The following CAMK2B variants were observed in gnomAD, a reference collection of about 807,000 sequenced individuals.
CAMK2B encodes calcium/calmodulin dependent protein kinase II beta, also known as calcium/calmodulin-dependent protein kinase type II subunit beta.
A neutral mutation model predicts 93.7 loss-of-function variants in CAMK2B; 27 were observed. That is an observed-to-expected ratio of 0.29 (90% CI 0.21 to 0.40). The LOEUF (loss-of-function observed/expected upper bound fraction) is 0.40, where lower values mean the gene tolerates loss of function less well. Ranked by LOEUF, CAMK2B falls within the 10% of genes least tolerant of loss-of-function variation. The pLI, the probability that CAMK2B is intolerant of heterozygous loss-of-function variation, is 1.00. For synonymous variants in CAMK2B, 374 were observed against 358.8 expected (o/e 1.04, Z -0.48); for missense variants, 568 against 895.8 (o/e 0.63, Z 4.67).
intron 3 of CAMK2B, chr7:44,259,634 G>A (rs1161577611): frequency 6.6e-6 from 1 of 152,602 alleles, no homozygotes; most frequent in African/African-American, 2.4e-5. Context: ...CAGGGCAGGA[G>A]CTGGTCAGGA....
At chr7:44,305,537 C>A (rs1791225625) in intron 1 of CAMK2B, among the ~76,000 whole-genome samples, 1 of 152,234 alleles carries the variant, frequency 6.6e-6, no homozygotes, top group Admixed American at 6.5e-5. Context: ...CAACCTCTTG[C>A]CGCCCTGCAC....
intron 3 of CAMK2B, among the ~76,000 whole-genome samples, chr7:44,260,455 A>G (rs971049200): frequency 6.6e-6 from 1 of 152,156 alleles, no homozygotes; most frequent in Non-Finnish European, 1.5e-5. Context: ...AGGCCCCAGA[A>G]GCCTCCACAG....
At chr7:44,230,904 A>C in intron 17 of CAMK2B, 102 bp downstream of exon 17, 1 of 957,498 alleles carries the variant, frequency 1.0e-6, no homozygotes, top group East Asian at 2.7e-5. Flanking sequence ...TGCATAAACT[A>C]GGCGTCGCAG....
At chr7:44,308,605 C>T (rs1410076375) in intron 1 of CAMK2B, among the ~76,000 whole-genome samples, 1 of 152,206 alleles carries the variant, frequency 6.6e-6, no homozygotes, top group Admixed American at 6.5e-5. Context: ...ACCCGGAGGG[C>T]AGGACAAGGT....
chr7:44,224,372 C>T lies in CAMK2B; in HGVS notation c.1597+2144G>A, dbSNP rs1362425851. Among the ~76,000 whole-genome samples the T allele has an allele frequency of 1.3e-5, 2 of 152,202 alleles. No individual in the cohort carries two copies. The highest frequency in any genetic ancestry group is 4.8e-5 in the African/African-American group (2 of 41,440). On this transcript the variant is annotated intron_variant, in intron 20 of 23. Coordinates refer to ENST00000395749, the MANE Select transcript of CAMK2B (RefSeq NM_001220.5). The surrounding 1 kb of genome is among the most constrained non-coding windows in gnomAD (Gnocchi z 4.4). ...CCCTGATGGAGGGAAAGGAGGGGGG[C>T]CCAACATGAAGAGGTGCCCGGGTCG...
intron 2 of CAMK2B, among the ~76,000 whole-genome samples, chr7:44,282,865 G>A (rs1366668521): frequency 6.6e-6 from 1 of 152,206 alleles, no homozygotes; most frequent in African/African-American, 2.4e-5. Context: ...CTGGCCAGAT[G>A]GGTCAGGGCC....
At chr7:44,277,040 G>A (rs1420205489) in intron 2 of CAMK2B, among the ~76,000 whole-genome samples, 2 of 152,182 alleles carry the variant, frequency 1.3e-5, no homozygotes, top group African/African-American at 2.4e-5. Flanking sequence ...CCGCTAACCA[G>A]GGTCACCCCG....
intron 5 of CAMK2B, among the ~76,000 whole-genome samples, chr7:44,251,330 G>T (rs1358082139): frequency 6.6e-6 from 1 of 152,140 alleles, no homozygotes; most frequent in Admixed American, 6.5e-5. Flanking sequence ...GTTGGGTAGG[G>T]GCCCACGGGT....
chr7:44,231,412 C>T (rs996730839), intron 16 of CAMK2B, among the ~76,000 whole-genome samples: 8 of 152,212 alleles, frequency 5.3e-5, no homozygotes, highest in African/African-American at 1.7e-4. Flanking sequence ...ACCCTGCATC[C>T]CCAACACATG....
At chr7:44,305,445 T>C (rs1158039634) in intron 1 of CAMK2B, among the ~76,000 whole-genome samples, 2 of 152,156 alleles carry the variant, frequency 1.3e-5, no homozygotes, top group African/African-American at 2.4e-5. Flanking sequence ...GATGCACCTC[T>C]GCACCCCAGA....
chr7:44,319,867 C>A lies in CAMK2B; in HGVS notation c.65+5490G>T, dbSNP rs568924070. 2.6e-5 allele frequency among the ~76,000 whole-genome samples: 4 copies of A among 152,272 alleles called. No individual in the cohort carries two copies. The South Asian group carries it at 8.3e-4, about 32-fold the overall frequency. ...GGGGGGTCGTCATGAAAGTGTTGGG[C>A]AAACAGATTGCAGAATCACATATAT... is the stretch of plus-strand genomic sequence containing the variant. On this transcript the variant is annotated intron_variant, in intron 1 of 23. Transcript: ENST00000395749.
At chr7:44,236,336 CTT>C (rs1180917132) in intron 13 of CAMK2B, among the ~76,000 whole-genome samples, 3 of 152,230 alleles carry the variant, frequency 2.0e-5, no homozygotes, top group African/African-American at 7.2e-5. Context: ...TGGGCACACA[CTT>C]TCTATTCCCA....
chr7:44,247,304 GCAAGT>G, intron 5 of CAMK2B, 112 bp from the exon 6 acceptor site: 1 of 865,760 alleles, frequency 1.2e-6, no homozygotes, highest in Non-Finnish European at 1.9e-6. Flanking sequence ...GGGGGACAAA[GCAAGT>G]CAAGGTGAGA....
intron 2 of CAMK2B, among the ~76,000 whole-genome samples, chr7:44,265,496 C>A (rs558677027): frequency 6.6e-6 from 1 of 152,210 alleles, no homozygotes; most frequent in Non-Finnish European, 1.5e-5. Context: ...GCGGTGGAAC[C>A]AGGGCACGTA....
intron 20 of CAMK2B, 108 bp from the exon 21 acceptor site, chr7:44,221,009 G>A (rs892313773): frequency 1.8e-5 from 16 of 867,130 alleles, no homozygotes; most frequent in South Asian, 3.1e-5. Flanking sequence ...CATCCATGCC[G>A]TGTTCCTGCC....
rs1394798458 is a variant in CAMK2B at position 44,272,203 on chromosome 7, C to T, written c.161-9139G>A. Among the ~76,000 whole-genome samples, 7 of 152,140 alleles carry T rather than the reference C, an allele frequency of 4.6e-5. No individual in the cohort carries two copies. The East Asian group carries it at 1.2e-3, about 25-fold the overall frequency. On this transcript the variant is annotated intron_variant, in intron 2 of 23. Coordinates refer to ENST00000395749, the MANE Select transcript of CAMK2B (RefSeq NM_001220.5). ...GAATTGGGGGGGTGGGCAGCGAGGA[C>T]TTGGGGAGCCCAGTGGTAGGTCTGA...
rs2096361763 is a variant in CAMK2B at position 44,218,358 on chromosome 7, G to GCCCCAGGCTTCCCCAAA, written c.*1150_*1166dup. 6.6e-6 allele frequency: 1 copy of GCCCCAGGCTTCCCCAAA among 152,334 alleles called. No homozygotes were observed. Among genetic ancestry groups the GCCCCAGGCTTCCCCAAA allele is most frequent in the African/African-American group, 2.4e-5 (1 of 41,404 alleles). The allele number at this position is 152,334 out of a possible 1,614,324, so 9.4% of individuals were successfully genotyped here. A position where few individuals can be genotyped will look rare whatever the true frequency, so the allele number is the denominator to read the frequency against. ...GCTGCACCACCCGACCAAACCCCAAGCCCCAGGCTTCCCCAAACCCCATCA... is the reference window on the plus strand; with the variant it reads ...GCTGCACCACCCGACCAAACCCCAAGCCCCAGGCTTCCCCAAACCCCAGGCTTCCCCAAACCCCATCA... On this transcript the variant is annotated 3_prime_UTR_variant, in exon 24 of 24. Coordinates refer to ENST00000395749, the MANE Select transcript of CAMK2B (RefSeq NM_001220.5).
At chr7:44,241,815 G>C in intron 10 of CAMK2B, 32 bp from the exon 11 acceptor site, 2 of 1,571,048 alleles carry the variant, frequency 1.3e-6, no homozygotes, top group Non-Finnish European at 1.8e-6. Flanking sequence ...TATGGCAGCC[G>C]AGCCCGAGGC....
At chr7:44,240,780 A>C (rs750445519) in intron 11 of CAMK2B, 31 bp from the exon 12 acceptor site, 2 of 1,610,748 alleles carry the variant, frequency 1.2e-6, no homozygotes, top group African/African-American at 2.7e-5. Context: ...AACCGGGGCT[A>C]TCCCATCAGT....
Sources: allele counts gnomAD v4.1 joint callset (sites outside exome capture counted in the v4.1 genomes callset), GRCh38; gene constraint gnomAD v4.1.1; non-coding constraint Gnocchi (gnomAD v3.1); transcripts MANE v1.5; gene names NCBI Gene and HGNC (gene_info 2026-07-23, HGNC 2026-07-21).